AGBL1: variants seen among roughly 807,000 people sequenced by gnomAD.
AGBL1 encodes the protein cytosolic carboxypeptidase 4.
A neutral mutation model predicts 118.9 loss-of-function variants in AGBL1; 130 were observed. The observed-to-expected ratio is 1.09, with a 90% CI of 0.95 to 1.26. The LOEUF (loss-of-function observed/expected upper bound fraction) is 1.26, where lower values mean the gene tolerates loss of function less well. Ranked by LOEUF, AGBL1 falls within the 50% of genes most tolerant of loss-of-function variation. AGBL1 has a pLI of 0.00. For missense variants in AGBL1, 1,584 were observed against 1,298.1 expected (o/e 1.22, Z -3.38); for synonymous variants, 555 against 478.9 (o/e 1.16, Z -2.08).
chr15:86,282,585 T>C (rs2079372762), intron 16 of AGBL1, among the ~76,000 whole-genome samples: 1 of 152,236 alleles, frequency 6.6e-6, no homozygotes, highest in African/African-American at 2.4e-5. Flanking sequence ...TCATGGTCTT[T>C]GTCCTCTCTA....
intron 22 of AGBL1, among the ~76,000 whole-genome samples, chr15:86,792,652 A>G (rs746132702): frequency 2.0e-5 from 3 of 152,106 alleles, no homozygotes. Flanking sequence ...TTAAAATTTA[A>G]CAATATTAGC....
chr15:86,789,081 G>C (rs553513590), intron 22 of AGBL1, among the ~76,000 whole-genome samples: 1 of 152,142 alleles, frequency 6.6e-6, no homozygotes, highest in Non-Finnish European at 1.5e-5. Flanking sequence ...CATGTGCAAG[G>C]TCAAAGCTTT....
chr15:86,632,849 C>A (rs1010098467), intron 21 of AGBL1, among the ~76,000 whole-genome samples: 1 of 151,896 alleles, frequency 6.6e-6, no homozygotes, highest in Non-Finnish European at 1.5e-5. Flanking sequence ...AATACTACTG[C>A]CTTTTTTGTT....
In AGBL1 at chr15:86,569,733, G is replaced by A. The variant is rs2083974403; in HGVS notation, c.2994+15196G>A. Among the ~76,000 whole-genome samples, 3 of 152,312 alleles carry A rather than the reference G, an allele frequency of 2.0e-5. No homozygotes were observed. The South Asian group carries it at 6.2e-4, about 32-fold the overall frequency. On this transcript the variant is annotated intron_variant, in intron 21 of 22. Transcript: ENST00000614907. ...TAAATAAAAATCAAGAGGCAGAGAT[G>A]CTAATAAGGTTGCCAGCAGGGATCT...
chr15:86,766,569 AT>A (rs1368481182), intron 22 of AGBL1, among the ~76,000 whole-genome samples: 2 of 151,712 alleles, frequency 1.3e-5, no homozygotes, highest in Non-Finnish European at 2.9e-5. Flanking sequence ...TGGTCATATA[AT>A]TTTTTTTCTA....
chr15:86,548,055 T>G (rs1419315246), intron 20 of AGBL1, among the ~76,000 whole-genome samples: 1 of 152,158 alleles, frequency 6.6e-6, no homozygotes, highest in Admixed American at 6.6e-5. Context: ...AAAAAGACTT[T>G]TGTGTATACA....
At chr15:86,783,646 T>C (rs527818952) in intron 22 of AGBL1, among the ~76,000 whole-genome samples, 1 of 152,336 alleles carries the variant, frequency 6.6e-6, no homozygotes, top group South Asian at 2.1e-4. Context: ...TTGTATTTTT[T>C]TGAGACAGAG....
intron 22 of AGBL1, among the ~76,000 whole-genome samples, chr15:86,795,137 G>A (rs2078551301): frequency 6.6e-6 from 1 of 152,180 alleles, no homozygotes; most frequent in African/African-American, 2.4e-5. Flanking sequence ...GGGCTACAAG[G>A]CCCAGCCCTG....
intron 21 of AGBL1, among the ~76,000 whole-genome samples, chr15:86,670,036 C>G (rs1289932149): frequency 6.6e-6 from 1 of 152,136 alleles, no homozygotes; most frequent in Admixed American, 6.6e-5. Context: ...TATTCCATTA[C>G]AATTTCCTCA....
In AGBL1 at chr15:86,661,093, G is replaced by C. The variant is rs1436208346; in HGVS notation, c.2995-13180G>C. Among the ~76,000 whole-genome samples the C allele has an allele frequency of 2.0e-5, 3 of 152,122 alleles. No homozygotes were observed. The East Asian group carries it at 5.8e-4, about 29-fold the overall frequency. ...ACTGTGCAGGGACAAGCAACCAAAA[G>C]ATGTCTGTAAGTATACACGTCCCAA... On this transcript the variant is annotated intron_variant, in intron 21 of 22. Coordinates refer to ENST00000614907, the MANE Select transcript of AGBL1 (RefSeq NM_001386094.1).
intron 21 of AGBL1, among the ~76,000 whole-genome samples, chr15:86,610,229 T>C (rs1448395225): frequency 6.6e-6 from 1 of 152,194 alleles, no homozygotes; most frequent in Non-Finnish European, 1.5e-5. Flanking sequence ...TATATGTGGA[T>C]AGTTGAATGT....
chr15:86,890,228 C>T (rs1022421283), intron 22 of AGBL1, among the ~76,000 whole-genome samples: 12 of 151,790 alleles, frequency 7.9e-5, no homozygotes, highest in African/African-American at 2.9e-4. Flanking sequence ...ATCCTTTGCC[C>T]ACTTTTTAAT....
At chr15:86,524,381 C>G (rs2083233233) in intron 19 of AGBL1, among the ~76,000 whole-genome samples, 2 of 152,154 alleles carry the variant, frequency 1.3e-5, no homozygotes, top group South Asian at 4.1e-4. Context: ...AGATTAAAAT[C>G]AGAAAAGGTA....
chr15:86,289,158 T>C (rs1313163385), intron 16 of AGBL1, among the ~76,000 whole-genome samples: 1 of 152,194 alleles, frequency 6.6e-6, no homozygotes, highest in African/African-American at 2.4e-5. Flanking sequence ...ATATACAACA[T>C]GCTGTGGGAT....
intron 1 of AGBL1, chr15:86,139,859 T>C (rs2076938444): frequency 6.4e-6 from 1 of 156,798 alleles, no homozygotes; most frequent in Non-Finnish European, 1.4e-5. Flanking sequence ...TTGGGTCTCT[T>C]GGTGGTGAAG....
intron 17 of AGBL1, among the ~76,000 whole-genome samples, chr15:86,349,598 A>G (rs141800002): frequency 6.6e-6 from 1 of 152,290 alleles, no homozygotes; most frequent in East Asian, 1.9e-4. Context: ...CATAGTAGGA[A>G]CTCAATAAAT....
chr15:86,336,510 G>A (rs564673948), intron 17 of AGBL1, among the ~76,000 whole-genome samples: 1 of 152,306 alleles, frequency 6.6e-6, no homozygotes, highest in South Asian at 2.1e-4. Context: ...CTGGAACAAG[G>A]CACTTGTCTG....
At chr15:86,377,848 G>A (rs1014139826) in intron 17 of AGBL1, among the ~76,000 whole-genome samples, 3 of 152,242 alleles carry the variant, frequency 2.0e-5, no homozygotes, top group Admixed American at 1.3e-4. Flanking sequence ...TAGAGATAAC[G>A]TGAGCAGGTA....
chr15:86,682,868 T>G (rs1483751571), intron 22 of AGBL1, among the ~76,000 whole-genome samples: 1 of 152,128 alleles, frequency 6.6e-6, no homozygotes, highest in East Asian at 1.9e-4. Flanking sequence ...CTTAATCCTA[T>G]AAATAATCCC....
Sources: allele counts gnomAD v4.1 joint callset (sites outside exome capture counted in the v4.1 genomes callset), GRCh38; gene constraint gnomAD v4.1.1; transcripts MANE v1.5; gene names NCBI Gene and HGNC (gene_info 2026-07-23, HGNC 2026-07-21).